Variants in THSD4 observed in about 807,000 individuals in gnomAD.
The protein encoded by THSD4 is thrombospondin type 1 domain containing 4.
Under a neutral mutation model 119.0 loss-of-function variants are expected in THSD4, and 69 were observed. That is an observed-to-expected ratio of 0.58 (90% CI 0.48 to 0.71). THSD4 has a LOEUF of 0.71. THSD4 is among the 30% of genes least tolerant of loss of function. The pLI is 0.00. For missense variants in THSD4, 1,393 were observed against 1,391.1 expected (o/e 1.00, Z -0.02); for synonymous variants, 524 against 540.4 (o/e 0.97, Z 0.42).
chr15:71,677,502 A>C (rs986021634), intron 8 of THSD4, among the ~76,000 whole-genome samples: 1 of 152,188 alleles, frequency 6.6e-6, no homozygotes, highest in African/African-American at 2.4e-5. Flanking sequence ...TTTGGATTAC[A>C]TACTTTCCAC....
chr15:71,482,693 C>T (rs1459834813), intron 7 of THSD4, among the ~76,000 whole-genome samples: 2 of 152,110 alleles, frequency 1.3e-5, no homozygotes, highest in Non-Finnish European at 2.9e-5. Flanking sequence ...TCAAGCGATT[C>T]TCTTGCCTCA....
intron 14 of THSD4, among the ~76,000 whole-genome samples, chr15:71,752,692 A>G (rs1286962140): frequency 2.0e-5 from 3 of 152,300 alleles, no homozygotes; most frequent in South Asian, 4.1e-4. Context: ...CAACTGTAAC[A>G]TTGCTGAGTA....
intron 7 of THSD4, among the ~76,000 whole-genome samples, chr15:71,633,198 G>A (rs1417997150): frequency 1.3e-5 from 2 of 151,928 alleles, no homozygotes; most frequent in African/African-American, 2.4e-5. Flanking sequence ...GCTGAAGACA[G>A]GTCTAACTGG....
chr15:71,590,916 G>C (rs1349611884), intron 7 of THSD4, among the ~76,000 whole-genome samples: 1 of 146,296 alleles, frequency 6.8e-6, no homozygotes, highest in African/African-American at 2.5e-5. Flanking sequence ...TGAGGCAGGA[G>C]AATGGCTTGA....
intron 7 of THSD4, among the ~76,000 whole-genome samples, chr15:71,524,491 C>G (rs2048487451): frequency 6.6e-6 from 1 of 151,040 alleles, no homozygotes; most frequent in Admixed American, 6.6e-5. Flanking sequence ...CTGCAGGAGG[C>G]TGCGCAGGAA....
chr15:71,377,147 A>AGG (rs960818813), intron 6 of THSD4, among the ~76,000 whole-genome samples: 216 of 152,306 alleles, frequency 1.4e-3, no homozygotes, highest in African/African-American at 5.0e-3. Flanking sequence ...GATTTCATGA[A>AGG]GGGGGTAAAG....
At chr15:71,157,298 A>T (rs1024126022) in intron 3 of THSD4, among the ~76,000 whole-genome samples, 7 of 152,192 alleles carry the variant, frequency 4.6e-5, no homozygotes, top group Admixed American at 4.6e-4. Context: ...AAGATTTATG[A>T]GTTATTTTAT....
chr15:71,488,156 A>G (rs1042101845), intron 7 of THSD4, among the ~76,000 whole-genome samples: 1 of 152,196 alleles, frequency 6.6e-6, no homozygotes, highest in African/African-American at 2.4e-5. Flanking sequence ...TATTGTTATC[A>G]TATGAAGGGA....
chr15:71,200,222 T>C (rs1352243617), intron 3 of THSD4, among the ~76,000 whole-genome samples: 3 of 152,064 alleles, frequency 2.0e-5, no homozygotes, highest in Non-Finnish European at 4.4e-5. Flanking sequence ...GTTCACCGAG[T>C]CATTGTTGGT....
intron 6 of THSD4, among the ~76,000 whole-genome samples, chr15:71,351,051 A>G (rs1004520628): frequency 6.6e-6 from 1 of 152,156 alleles, no homozygotes; most frequent in Non-Finnish European, 1.5e-5. Context: ...CTGCTTGGGA[A>G]GTGCTTTCTA....
intron 7 of THSD4, among the ~76,000 whole-genome samples, chr15:71,471,473 A>T (rs1322570698): frequency 6.6e-6 from 1 of 151,850 alleles, no homozygotes; most frequent in African/African-American, 2.4e-5. Context: ...GGTCTTAAGG[A>T]TACAGTGTGC....
rs530674262 is a variant in THSD4 at position 71,547,253 on chromosome 15, C to G, written c.1153-113277C>G. 3.6e-6 allele frequency: 5 copies of G among 1,408,400 alleles called. No homozygotes were observed. The Admixed American group carries it at 1.3e-4, about 35-fold the overall frequency. The allele number at this position is 1,408,400 out of a possible 1,614,324, so 87.2% of individuals were successfully genotyped here. On this transcript the variant is annotated intron_variant, in intron 7 of 17. Transcript: ENST00000261862. Reference sequence around the variant, plus strand: ...TTTTCTTCAGAACAGAGGCTGAGCTCGAAGCGCCGGGCAGTACAGTGAGGG... The same window carrying G: ...TTTTCTTCAGAACAGAGGCTGAGCTGGAAGCGCCGGGCAGTACAGTGAGGG...
rs111785039 is a variant in THSD4 at position 71,387,428 on chromosome 15, T to C, written c.1016-24259T>C. Among the ~76,000 whole-genome samples, 524 of 152,358 alleles carry C rather than the reference T, an allele frequency of 3.4e-3. 4 individuals are homozygous for C. Among genetic ancestry groups the C allele is most frequent in the African/African-American group, 0.012 (494 of 41,586 alleles). On this transcript the variant is annotated intron_variant, in intron 6 of 17. Transcript: ENST00000261862. ...AGATTTAAAGGGTATCATTTTTTTA[T>C]AATTTGTTTTCCTTCCCTAGAGTCT...
intron 8 of THSD4, among the ~76,000 whole-genome samples, chr15:71,706,155 G>C (rs573604417): frequency 1.2e-4 from 18 of 152,274 alleles, no homozygotes; most frequent in African/African-American, 4.1e-4. Context: ...CTGGCCTTCC[G>C]AACAGAAGAC....
chr15:71,562,127 T>G (rs917819008), intron 7 of THSD4, among the ~76,000 whole-genome samples: 2 of 152,154 alleles, frequency 1.3e-5, no homozygotes, highest in Non-Finnish European at 2.9e-5. Flanking sequence ...GGAGGGTGAA[T>G]GGTCTAGAAA....
chr15:71,319,992 A>G lies in THSD4; in HGVS notation c.1015+63277A>G, dbSNP rs890710052. On this transcript the variant is annotated intron_variant, in intron 6 of 17. Coordinates refer to ENST00000261862, the MANE Select transcript of THSD4 (RefSeq NM_024817.3). Reference sequence around the variant, plus strand: ...AACTAGACTCCAGCAAAAGGGTCATAGAACCATTTTTAAATTGGTGGTTGT... The same window carrying G: ...AACTAGACTCCAGCAAAAGGGTCATGGAACCATTTTTAAATTGGTGGTTGT... Among the ~76,000 whole-genome samples, 4 of 152,238 alleles carry G rather than the reference A, an allele frequency of 2.6e-5. No homozygotes were observed. In the East Asian group the frequency reaches 5.8e-4, roughly 22 times the overall value.
chr15:71,664,311 T>A (rs2051372778), intron 8 of THSD4, among the ~76,000 whole-genome samples: 1 of 152,190 alleles, frequency 6.6e-6, no homozygotes, highest in Admixed American at 6.5e-5. Context: ...CAACTTTATT[T>A]TTTTTTAGTT....
intron 8 of THSD4, among the ~76,000 whole-genome samples, chr15:71,724,468 GT>G (rs2052795678): frequency 6.6e-6 from 1 of 150,964 alleles, no homozygotes; most frequent in South Asian, 2.1e-4. Flanking sequence ...TGTATTTTTA[GT>G]AGAGACGGGG....
At chr15:71,361,441 G>C (rs185425019) in intron 6 of THSD4, among the ~76,000 whole-genome samples, 18 of 152,316 alleles carry the variant, frequency 1.2e-4, no homozygotes, top group Admixed American at 1.0e-3. Context: ...TTCATTATGA[G>C]GAAGGTGTAA....
Sources: allele counts gnomAD v4.1 joint callset (sites outside exome capture counted in the v4.1 genomes callset), GRCh38; gene constraint gnomAD v4.1.1; transcripts MANE v1.5; gene names NCBI Gene and HGNC (gene_info 2026-07-23, HGNC 2026-07-21).